The following SCRG1 variants were observed in gnomAD, a reference collection of about 807,000 sequenced individuals.
The protein encoded by SCRG1 is scrapie-responsive protein 1.
Under a neutral mutation model 7.7 loss-of-function variants are expected in SCRG1, and 3 were observed. That is an observed-to-expected ratio of 0.39 (90% CI 0.18 to 1.01). SCRG1 has a LOEUF of 1.01. Ranked by LOEUF, SCRG1 falls within the 50% of genes least tolerant of loss-of-function variation. The pLI, the probability that SCRG1 is intolerant of heterozygous loss-of-function variation, is 0.36. For synonymous variants in SCRG1, 46 were observed against 41.2 expected (o/e 1.12, Z -0.44); for missense variants, 110 against 117.2 (o/e 0.94, Z 0.28).
the SCRG1 span, among the ~76,000 whole-genome samples, chr4:173,485,018 TATATA>T: frequency 1.5e-3 from 40 of 26,014 alleles, 4 homozygotes; most frequent in East Asian, 0.015. Context: ...TAATATATAA[TATATA>T]ATATATTATA....
At chr4:173,482,980 AATATATT>A in the SCRG1 span, among the ~76,000 whole-genome samples, 3 of 132,238 alleles carry the variant, frequency 2.3e-5, no homozygotes, top group Non-Finnish European at 3.1e-5. Context: ...TATAATATAT[AATATATT>A]ATATATTTCA....
chr4:173,390,040 T>TTTTTTGTTTTGTTTTGTTTTGTTTTG (rs1739379622), intron 2 of SCRG1: 2 of 247,238 alleles, frequency 8.1e-6, no homozygotes, highest in Admixed American at 9.0e-5. Flanking sequence ...TTTTATACCT[T>TTTTTTGTTTTGTTTTGTTTTGTTTTG]TTTTTGTTTG....
At chr4:173,418,853 A>G in the SCRG1 span, among the ~76,000 whole-genome samples, 3 of 152,000 alleles carry the variant, frequency 2.0e-5, no homozygotes, top group Non-Finnish European at 2.9e-5. Context: ...CTGGCCATAT[A>G]AGACATGCCT....
chr4:173,518,760 C>T, the SCRG1 span, among the ~76,000 whole-genome samples: 6 of 152,332 alleles, frequency 3.9e-5, no homozygotes, highest in Non-Finnish European at 5.9e-5. Context: ...GATCGACCCT[C>T]CGCGGAGCAA....
At chr4:173,472,969 T>C in the SCRG1 span, among the ~76,000 whole-genome samples, 1 of 152,222 alleles carries the variant, frequency 6.6e-6, no homozygotes, top group East Asian at 1.9e-4. Flanking sequence ...TTGCCTATAT[T>C]ATAAGCTCAA....
At chr4:173,412,059 G>A in the SCRG1 span, among the ~76,000 whole-genome samples, 1 of 152,176 alleles carries the variant, frequency 6.6e-6, no homozygotes, top group Admixed American at 6.5e-5. Flanking sequence ...CCCCTCCTGA[G>A]CAGCAAGTAG....
At chr4:173,477,725 TC>T in the SCRG1 span, among the ~76,000 whole-genome samples, 1 of 54,352 alleles carries the variant, frequency 1.8e-5, no homozygotes, top group Non-Finnish European at 6.3e-5. Flanking sequence ...CTTCCTTCCT[TC>T]CTTCCTTCCT....
chr4:173,407,207 CAA>C (rs113112174), upstream of SCRG1, among the ~76,000 whole-genome samples: 10 of 83,060 alleles, frequency 1.2e-4, no homozygotes, highest in African/African-American at 2.5e-4. Flanking sequence ...AGATCCATCT[CAA>C]AAAAAAAAAA....
At chr4:173,493,783 T>C in the SCRG1 span, among the ~76,000 whole-genome samples, 1 of 152,186 alleles carries the variant, frequency 6.6e-6, no homozygotes, top group Admixed American at 6.5e-5. Context: ...TTTATTGAAT[T>C]CATCTTAATT....
At chr4:173,458,338 A>G in the SCRG1 span, among the ~76,000 whole-genome samples, 1 of 152,248 alleles carries the variant, frequency 6.6e-6, no homozygotes, top group African/African-American at 2.4e-5. Context: ...TGCAAGTTAC[A>G]TATGTAATTT....
the SCRG1 span, among the ~76,000 whole-genome samples, chr4:173,417,815 C>T: frequency 2.6e-5 from 4 of 152,004 alleles, no homozygotes; most frequent in South Asian, 2.1e-4. Context: ...ATTCTTGTTC[C>T]GCAGATGAAC....
At chr4:173,512,476 C>T in the SCRG1 span, among the ~76,000 whole-genome samples, 1 of 152,224 alleles carries the variant, frequency 6.6e-6, no homozygotes, top group Non-Finnish European at 1.5e-5. Context: ...AACCCTCTCC[C>T]CTGGCACTCA....
the SCRG1 span, among the ~76,000 whole-genome samples, chr4:173,499,630 A>G: frequency 6.6e-6 from 1 of 152,208 alleles, no homozygotes; most frequent in African/African-American, 2.4e-5. The surrounding 1 kb of genome is among the most constrained non-coding windows in gnomAD (Gnocchi z 4.1). Context: ...GAATACAGGT[A>G]GTGTACCGCC....
chr4:173,452,774 A>T, the SCRG1 span, among the ~76,000 whole-genome samples: 1 of 152,088 alleles, frequency 6.6e-6, no homozygotes, highest in African/African-American at 2.4e-5. Flanking sequence ...TGCTATGATG[A>T]TTTTGTCTTA....
At chr4:173,438,678 G>A in the SCRG1 span, among the ~76,000 whole-genome samples, 1 of 151,612 alleles carries the variant, frequency 6.6e-6, no homozygotes, top group African/African-American at 2.4e-5. Flanking sequence ...AATATTTGCA[G>A]GCCCTGTTTT....
At chr4:173,447,342 A>G in the SCRG1 span, among the ~76,000 whole-genome samples, 1 of 152,164 alleles carries the variant, frequency 6.6e-6, no homozygotes, top group African/African-American at 2.4e-5. Flanking sequence ...CCCACCTCCA[A>G]ATACCATCAC....
chr4:173,509,028 C>T, the SCRG1 span, among the ~76,000 whole-genome samples: 3 of 152,158 alleles, frequency 2.0e-5, no homozygotes, highest in Non-Finnish European at 1.5e-5. This position sits in a 1 kb window ranked among gnomAD's most constrained non-coding sequence, Gnocchi z 5.7. Flanking sequence ...GGTGGTGGTA[C>T]GGCTGGTAGC....
chr4:173,424,897 T>TTTAAAATAAAATAAAATAAAATAAAA, the SCRG1 span, among the ~76,000 whole-genome samples: 1 of 130,790 alleles, frequency 7.6e-6, no homozygotes, highest in African/African-American at 2.7e-5. Context: ...AGACTCCATC[T>TTTAAAATAAAATAAAATAAAATAAAA]TAAAATAAAA....
chr4:173,499,168 T>G, the SCRG1 span, among the ~76,000 whole-genome samples: 1 of 151,924 alleles, frequency 6.6e-6, no homozygotes, highest in Non-Finnish European at 1.5e-5. The surrounding 1 kb of genome is among the most constrained non-coding windows in gnomAD (Gnocchi z 4.1). Flanking sequence ...ATGAAAGGAG[T>G]CCATTTAATC....
Sources: allele counts gnomAD v4.1 joint callset (sites outside exome capture counted in the v4.1 genomes callset), GRCh38; gene constraint gnomAD v4.1.1; non-coding constraint Gnocchi (gnomAD v3.1); transcripts MANE v1.5; gene names NCBI Gene and HGNC (gene_info 2026-07-23, HGNC 2026-07-21).